Variants in PTPRR observed in about 807,000 individuals in gnomAD.
PTPRR encodes protein tyrosine phosphatase receptor type R, also known as receptor-type tyrosine-protein phosphatase R.
A neutral mutation model predicts 77.2 loss-of-function variants in PTPRR; 38 were observed. That is an observed-to-expected ratio of 0.49 (90% confidence interval 0.38 to 0.65). The LOEUF is 0.65. PTPRR is among the 30% of genes least tolerant of loss of function. The pLI is 0.00. For missense variants in PTPRR, 744 were observed against 799.2 expected (o/e 0.93, Z 0.83); for synonymous variants, 299 against 283.1 (o/e 1.06, Z -0.57).
intron 6 of PTPRR, among the ~76,000 whole-genome samples, chr12:70,705,951 C>T (rs1278119487): frequency 1.3e-5 from 2 of 151,978 alleles, no homozygotes; most frequent in Admixed American, 6.6e-5. Context: ...CTTAAACCCT[C>T]TCACCCACAA....
intron 6 of PTPRR, among the ~76,000 whole-genome samples, chr12:70,741,628 T>C (rs1300965554): frequency 3.9e-5 from 6 of 152,136 alleles, no homozygotes; most frequent in Non-Finnish European, 4.4e-5. Context: ...GCCAGGACTT[T>C]GGTGGAAGGT....
chr12:70,679,825 G>GT (rs947398742), intron 10 of PTPRR, among the ~76,000 whole-genome samples: 11 of 151,776 alleles, frequency 7.2e-5, no homozygotes, highest in Middle Eastern at 3.2e-3. Flanking sequence ...TGAGTCTTGC[G>GT]TTTTTTTCTT....
chr12:70,858,973 G>A (rs537548965), intron 2 of PTPRR, among the ~76,000 whole-genome samples: 5 of 143,206 alleles, frequency 3.5e-5, no homozygotes, highest in Non-Finnish European at 7.6e-5. Context: ...TTTTTACATT[G>A]GCTCTAACAG....
At chr12:70,837,240 C>T (rs1297112947) in intron 2 of PTPRR, among the ~76,000 whole-genome samples, 1 of 152,104 alleles carries the variant, frequency 6.6e-6, no homozygotes, top group Non-Finnish European at 1.5e-5. Context: ...AATTTCCTCA[C>T]ATCCATGGAT....
chr12:70,667,520 G>C (rs1887055865), intron 10 of PTPRR, among the ~76,000 whole-genome samples: 2 of 152,124 alleles, frequency 1.3e-5, no homozygotes, highest in African/African-American at 2.4e-5. Flanking sequence ...CTGCTGGACA[G>C]TGGTGGCCAG....
intron 1 of PTPRR, among the ~76,000 whole-genome samples, chr12:70,918,022 A>C (rs556689639): frequency 6.6e-6 from 1 of 152,326 alleles, no homozygotes; most frequent in African/African-American, 2.4e-5. Context: ...TCTTCCATAA[A>C]AGTAACAAAC....
chr12:70,693,392 G>A (rs114230524), intron 8 of PTPRR, among the ~76,000 whole-genome samples: 1 of 152,030 alleles, frequency 6.6e-6, no homozygotes. Flanking sequence ...AACCTCCCGG[G>A]CTCAAGTGAT....
chr12:70,644,756 G>A (rs1432819045), intron 13 of PTPRR, among the ~76,000 whole-genome samples: 1 of 152,172 alleles, frequency 6.6e-6, no homozygotes, highest in Non-Finnish European at 1.5e-5. Flanking sequence ...AGACCCTGGA[G>A]AACCAAGAGC....
intron 4 of PTPRR, among the ~76,000 whole-genome samples, chr12:70,760,052 G>T (rs1035686036): frequency 2.0e-5 from 3 of 152,150 alleles, no homozygotes; most frequent in African/African-American, 7.2e-5. Context: ...ACCAGTTGGG[G>T]GTGGTTGTGA....
At chr12:70,640,447 G>A (rs571820630) in intron 13 of PTPRR, among the ~76,000 whole-genome samples, 270 of 152,268 alleles carry the variant, frequency 1.8e-3, no homozygotes, top group Non-Finnish European at 3.1e-3. Context: ...TGGAATCACA[G>A]GCTTGAACGA....
intron 6 of PTPRR, among the ~76,000 whole-genome samples, chr12:70,741,237 T>C (rs1890035954): frequency 6.6e-6 from 1 of 152,140 alleles, no homozygotes. Context: ...TTCAATCATA[T>C]ATGTGTCCTC....
chr12:70,701,602 A>G (rs914726342), intron 6 of PTPRR, among the ~76,000 whole-genome samples: 4 of 152,160 alleles, frequency 2.6e-5, no homozygotes, highest in Non-Finnish European at 5.9e-5. Context: ...GGCTAATAAT[A>G]TTAAGTGAAA....
chr12:70,739,466 A>T (rs2136910602), intron 6 of PTPRR, among the ~76,000 whole-genome samples: 1 of 152,348 alleles, frequency 6.6e-6, no homozygotes. Context: ...TTCTTATGGA[A>T]GATTCTTTAG....
intron 1 of PTPRR, among the ~76,000 whole-genome samples, chr12:70,905,390 A>C (rs1481239081): frequency 6.6e-6 from 1 of 151,904 alleles, no homozygotes; most frequent in Non-Finnish European, 1.5e-5. Flanking sequence ...CTTCATTGAG[A>C]GTTCAGTGAC....
chr12:70,906,548 C>T (rs1032972814), intron 1 of PTPRR, among the ~76,000 whole-genome samples: 1 of 151,838 alleles, frequency 6.6e-6, no homozygotes, highest in Non-Finnish European at 1.5e-5. Flanking sequence ...AACACTAAAC[C>T]CCACTGATAA....
intron 6 of PTPRR, among the ~76,000 whole-genome samples, chr12:70,706,058 C>T (rs76118862): frequency 1.3e-5 from 2 of 152,008 alleles, no homozygotes; most frequent in Non-Finnish European, 2.9e-5. Flanking sequence ...AGTTTTTGCT[C>T]ATTTGAATAA....
intron 8 of PTPRR, among the ~76,000 whole-genome samples, chr12:70,688,369 T>C (rs1349400302): frequency 6.6e-6 from 1 of 152,070 alleles, no homozygotes; most frequent in East Asian, 1.9e-4. Flanking sequence ...AAAATAATCG[T>C]ATTAGAAAAG....
At chr12:70,765,933 A>G (rs1890810047) in intron 2 of PTPRR, among the ~76,000 whole-genome samples, 2 of 152,340 alleles carry the variant, frequency 1.3e-5, no homozygotes, top group African/African-American at 4.8e-5. Context: ...GAAAACTCCA[A>G]CAGACCTGCA....
chr12:70,857,192 A>G lies in PTPRR; in HGVS notation c.357+35487T>C, dbSNP rs80238525. 8.8e-4 allele frequency among the ~76,000 whole-genome samples: 134 copies of G among 152,284 alleles called. 1 individual carries two copies. The highest frequency in any genetic ancestry group is 3.1e-3 in the African/African-American group (130 of 41,572). ...TGACTAGAGAGAATACATACAGTCA[A>G]AATAAAGGAGCTGGGACACACCTCT... On this transcript the variant is annotated intron_variant, in intron 2 of 13. Coordinates refer to ENST00000283228, the MANE Select transcript of PTPRR (RefSeq NM_002849.4).
Sources: allele counts gnomAD v4.1 joint callset (sites outside exome capture counted in the v4.1 genomes callset), GRCh38; gene constraint gnomAD v4.1.1; transcripts MANE v1.5; gene names NCBI Gene and HGNC (gene_info 2026-07-23, HGNC 2026-07-21).